Variants in GAS7 observed in about 807,000 individuals in gnomAD.
GAS7 encodes growth arrest specific 7.
A neutral mutation model predicts 71.1 loss-of-function variants in GAS7; 28 were observed. The observed-to-expected ratio is 0.39, with a 90% CI of 0.29 to 0.54. The LOEUF is 0.54. Ranked by LOEUF, GAS7 falls within the 20% of genes least tolerant of loss-of-function variation. The pLI, the probability that GAS7 is intolerant of heterozygous loss-of-function variation, is 0.62. For missense variants in GAS7, 436 were observed against 627.8 expected, an observed-to-expected ratio of 0.69 and a Z score of 3.27; for synonymous variants, 258 against 245.8, an observed-to-expected ratio of 1.05 and a Z score of -0.46.
rs772812154 is a variant in GAS7 at position 9,913,864 on chromosome 17, C to T, written c.*3364G>A. 24 of 231,556 alleles carry T rather than the reference C, an allele frequency of 1.0e-4. No individual in the cohort carries two copies. The highest frequency in any genetic ancestry group is 1.8e-4 in the Non-Finnish European group (21 of 117,104). 14.3% of individuals were successfully genotyped at this position (231,556 alleles called of 1,614,324 possible). A position where few individuals can be genotyped will look rare whatever the true frequency, so the allele number is the denominator to read the frequency against. On this transcript the variant is annotated 3_prime_UTR_variant, in exon 14 of 14. Coordinates refer to ENST00000432992, the MANE Select transcript of GAS7 (RefSeq NM_201433.2). ...TTTTTCTTTTTAAATCAGGCTTTCACAAACAGATCTTGTGCATCAGTCTCC... is the reference window on the plus strand; with the variant it reads ...TTTTTCTTTTTAAATCAGGCTTTCATAAACAGATCTTGTGCATCAGTCTCC...
At chr17:10,154,454 T>C (rs1255929851) in intron 1 of GAS7, among the ~76,000 whole-genome samples, 1 of 151,568 alleles carries the variant, frequency 6.6e-6, no homozygotes, top group African/African-American at 2.4e-5. Context: ...CAGTTAGCAG[T>C]GATCATGCCA....
rs181018910 is a variant in GAS7, at chr17:10,116,633, G to A, written c.183+81575C>T. On this transcript the variant is annotated intron_variant, in intron 1 of 13. Coordinates refer to ENST00000432992, the MANE Select transcript of GAS7 (RefSeq NM_201433.2). ...TCTGAAGTGGACTTAGAGGGCAGCT[G>A]GCAGAGACAATGGGAAGAGAAGGTA... Among the ~76,000 whole-genome samples, 98 of 152,248 alleles carry A rather than the reference G, an allele frequency of 6.4e-4. 1 individual carries two copies. In the East Asian group the frequency reaches 0.015, roughly 24 times the overall value.
intron 2 of GAS7, among the ~76,000 whole-genome samples, chr17:10,005,157 GTGTGTGCGCACGCATGCATGTA>G (rs2071446653): frequency 1.1e-5 from 1 of 88,336 alleles, no homozygotes; most frequent in Non-Finnish European, 3.2e-5. Flanking sequence ...ATGCATGCAT[GTGTGTGCGCACGCATGCATGTA>G]TGTGTATGTG....
intron 3 of GAS7, among the ~76,000 whole-genome samples, chr17:9,979,303 A>G (rs532130197): frequency 1.4e-4 from 21 of 152,260 alleles, no homozygotes; most frequent in Admixed American, 5.9e-4. Flanking sequence ...ATGGGGGCAG[A>G]GGGGGACAGG....
chr17:10,101,435 T>C (rs2073697809), intron 1 of GAS7, among the ~76,000 whole-genome samples: 1 of 152,236 alleles, frequency 6.6e-6, no homozygotes, highest in Non-Finnish European at 1.5e-5. Flanking sequence ...TTCTGTCATA[T>C]CTATTGTTAG....
At chr17:10,079,346 T>C (rs1440006260) in intron 1 of GAS7, among the ~76,000 whole-genome samples, 2 of 152,206 alleles carry the variant, frequency 1.3e-5, no homozygotes, top group African/African-American at 2.4e-5. Flanking sequence ...CAGGATACTC[T>C]AAAGTTTAAC....
chr17:9,927,197 C>T lies in GAS7; in HGVS notation c.886-428G>A, dbSNP rs556533661. On this transcript the variant is annotated intron_variant, in intron 9 of 13. Coordinates refer to ENST00000432992, the MANE Select transcript of GAS7 (RefSeq NM_201433.2). ...GGCACGGTGGCTCATGCCTGTAATC[C>T]CAGCACTTTGGGAGGCCAAGGCAGG... Among the ~76,000 whole-genome samples, 4 of 147,082 alleles carry T rather than the reference C, an allele frequency of 2.7e-5. No individual in the cohort carries two copies. The East Asian group carries it at 5.9e-4, about 22-fold the overall frequency.
At chr17:10,137,743 G>C (rs1326091347) in intron 1 of GAS7, among the ~76,000 whole-genome samples, 1 of 152,044 alleles carries the variant, frequency 6.6e-6, no homozygotes, top group African/African-American at 2.4e-5. Flanking sequence ...GTTTTGCCAT[G>C]TTGGTCAGGC....
At chr17:9,930,848 T>C (rs1163572791) in intron 9 of GAS7, among the ~76,000 whole-genome samples, 1 of 152,220 alleles carries the variant, frequency 6.6e-6, no homozygotes, top group Non-Finnish European at 1.5e-5. Flanking sequence ...CGATGACCGC[T>C]TGAGGCCACC....
intron 1 of GAS7, among the ~76,000 whole-genome samples, chr17:10,188,922 G>C (rs1446969415): frequency 1.3e-5 from 2 of 152,130 alleles, no homozygotes; most frequent in Non-Finnish European, 2.9e-5. Context: ...GGGATTATAG[G>C]CATGAGCCAC....
At chr17:10,152,075 C>A (rs1458378655) in intron 1 of GAS7, among the ~76,000 whole-genome samples, 1 of 152,176 alleles carries the variant, frequency 6.6e-6, no homozygotes, top group African/African-American at 2.4e-5. Flanking sequence ...CAGGGACTCA[C>A]ACAATGTCTA....
intron 1 of GAS7, among the ~76,000 whole-genome samples, chr17:10,060,706 G>C (rs1474695014): frequency 6.6e-6 from 1 of 152,204 alleles, no homozygotes; most frequent in East Asian, 1.9e-4. Flanking sequence ...CGACAAGGAT[G>C]CAGAGCAACT....
intron 1 of GAS7, among the ~76,000 whole-genome samples, chr17:10,036,244 C>T (rs1052528410): frequency 6.6e-6 from 1 of 151,486 alleles, no homozygotes; most frequent in Admixed American, 6.6e-5. Context: ...TTTTTCCTCC[C>T]TGCTCATGCC....
At chr17:10,098,968 T>C (rs80341275) in intron 1 of GAS7, among the ~76,000 whole-genome samples, 4,730 of 151,338 alleles carry the variant, frequency 0.031, 228 homozygotes, top group African/African-American at 0.11. Flanking sequence ...AAAAAGAAAA[T>C]AAAAAAAGAA....
At chr17:10,051,409 A>G (rs1249223302) in intron 1 of GAS7, among the ~76,000 whole-genome samples, 1 of 152,216 alleles carries the variant, frequency 6.6e-6, no homozygotes, top group Non-Finnish European at 1.5e-5. Flanking sequence ...ACGAGACTAG[A>G]ATTCAAAGAA....
intron 1 of GAS7, among the ~76,000 whole-genome samples, chr17:10,124,408 G>C (rs574873383): frequency 6.6e-6 from 1 of 152,146 alleles, no homozygotes; most frequent in Non-Finnish European, 1.5e-5. Context: ...ACTAAATCTC[G>C]AAGGAAGGAA....
intron 1 of GAS7, among the ~76,000 whole-genome samples, chr17:10,148,038 G>A (rs1213336784): frequency 6.6e-6 from 1 of 152,172 alleles, no homozygotes; most frequent in East Asian, 1.9e-4. Context: ...GAGCTGCTGT[G>A]AGAGCCGATC....
At chr17:10,169,814 G>C (rs966637188) in intron 1 of GAS7, among the ~76,000 whole-genome samples, 3 of 152,112 alleles carry the variant, frequency 2.0e-5, no homozygotes, top group African/African-American at 7.2e-5. Flanking sequence ...CTTGAATTAA[G>C]AGTCCTCTTT....
chr17:10,111,260 C>T (rs376867434), intron 1 of GAS7, among the ~76,000 whole-genome samples: 9 of 151,438 alleles, frequency 5.9e-5, no homozygotes, highest in African/African-American at 1.9e-4. Context: ...AATGGCCAGG[C>T]GCAATGGCTC....
Sources: gnomAD v4.1 joint callset for allele counts (sites outside exome capture counted in the v4.1 genomes callset) on GRCh38, gnomAD v4.1.1 for gene constraint, MANE v1.5 for transcripts, NCBI Gene and HGNC (gene_info 2026-07-23, HGNC 2026-07-21) for gene names.